Variants in CDH13 observed in about 807,000 individuals in gnomAD.
The protein encoded by CDH13 is cadherin-13.
CDH13 carries 24 observed loss-of-function variants against 63.8 expected under a neutral mutation model. That is an observed-to-expected ratio of 0.38 (90% CI 0.27 to 0.53). The LOEUF (loss-of-function observed/expected upper bound fraction) is 0.53, where lower values mean the gene tolerates loss of function less well. CDH13 is among the 20% of genes least tolerant of loss of function. CDH13 has a pLI of 0.85. For missense variants in CDH13, 1,049 were observed against 903.1 expected, an observed-to-expected ratio of 1.16 and a Z score of -2.07; for synonymous variants, 503 against 355.3, an observed-to-expected ratio of 1.42 and a Z score of -4.67.
chr16:83,393,072 C>T (rs1444140400), intron 6 of CDH13, among the ~76,000 whole-genome samples: 1 of 152,158 alleles, frequency 6.6e-6, no homozygotes, highest in East Asian at 1.9e-4. Flanking sequence ...AGAATAAATA[C>T]ATAGATAAAT....
chr16:82,919,140 C>T (rs189305470), intron 2 of CDH13, among the ~76,000 whole-genome samples: 109 of 152,088 alleles, frequency 7.2e-4, no homozygotes, highest in African/African-American at 2.4e-3. Context: ...CTATATATTC[C>T]AAATGTGTTT....
chr16:83,103,822 A>T (rs12934693), intron 3 of CDH13, among the ~76,000 whole-genome samples: 1 of 152,038 alleles, frequency 6.6e-6, no homozygotes, highest in Non-Finnish European at 1.5e-5. Context: ...TGCACACAGT[A>T]AGTGCTCTGT....
At chr16:83,024,515 C>G (rs550325869) in intron 2 of CDH13, among the ~76,000 whole-genome samples, 2 of 152,216 alleles carry the variant, frequency 1.3e-5, no homozygotes, top group East Asian at 3.9e-4. Flanking sequence ...AACCAGAAAC[C>G]ACACTCCCGA....
At chr16:83,792,920 T>G (rs1916369465) in intron 13 of CDH13, among the ~76,000 whole-genome samples, 2 of 152,120 alleles carry the variant, frequency 1.3e-5, no homozygotes, top group African/African-American at 4.8e-5. Flanking sequence ...ATTGTAAAAA[T>G]GAAACCTAAT....
intron 7 of CDH13, among the ~76,000 whole-genome samples, chr16:83,514,892 A>G (rs1358550327): frequency 6.6e-6 from 1 of 151,962 alleles, no homozygotes; most frequent in Non-Finnish European, 1.5e-5. Context: ...ATTAGAGTAA[A>G]TTTCTGTTGT....
intron 4 of CDH13, among the ~76,000 whole-genome samples, chr16:83,205,447 T>C (rs923605934): frequency 8.5e-5 from 13 of 152,272 alleles, no homozygotes; most frequent in African/African-American, 3.1e-4. Context: ...ATCTCCCATG[T>C]TATGTAAAAT....
chr16:82,846,663 T>TTTATTATA (rs2039269627), intron 1 of CDH13, among the ~76,000 whole-genome samples: 1 of 152,234 alleles, frequency 6.6e-6, no homozygotes, highest in Non-Finnish European at 1.5e-5. Context: ...GTCACATAGG[T>TTTATTATA]TGTAGTTTAT....
intron 10 of CDH13, chr16:83,721,470 G>A (rs1051891156): frequency 6.6e-6 from 1 of 152,250 alleles, no homozygotes; most frequent in Non-Finnish European, 1.5e-5. Flanking sequence ...CTGCCATTGG[G>A]TCTGAGACCC....
At chr16:83,367,302 C>G (rs1410773003) in intron 6 of CDH13, among the ~76,000 whole-genome samples, 3 of 152,062 alleles carry the variant, frequency 2.0e-5, no homozygotes, top group Non-Finnish European at 2.9e-5. Flanking sequence ...TTTATCAGCA[C>G]TTCATTTCAT....
intron 7 of CDH13, among the ~76,000 whole-genome samples, chr16:83,545,751 C>T (rs967750233): frequency 6.6e-6 from 1 of 152,174 alleles, no homozygotes; most frequent in African/African-American, 2.4e-5. Context: ...CCCTCCTCAT[C>T]TGCCCACCCT....
intron 5 of CDH13, among the ~76,000 whole-genome samples, chr16:83,267,828 G>C (rs371478765): frequency 2.5e-4 from 38 of 152,224 alleles, no homozygotes; most frequent in African/African-American, 8.7e-4. Context: ...TGTTGTCATA[G>C]CATAAAATGG....
intron 3 of CDH13, among the ~76,000 whole-genome samples, chr16:83,043,365 A>G (rs928151640): frequency 6.6e-6 from 1 of 152,316 alleles, no homozygotes; most frequent in African/African-American, 2.4e-5. Flanking sequence ...TATTTTATAC[A>G]GGAGCATGGT....
At chr16:83,693,483 A>G (rs1414695230) in intron 10 of CDH13, among the ~76,000 whole-genome samples, 3 of 152,246 alleles carry the variant, frequency 2.0e-5, no homozygotes, top group Non-Finnish European at 4.4e-5. Context: ...TTTATTTTCC[A>G]CAAGCCAGCC....
At chr16:83,676,480 G>A (rs116909745) in intron 9 of CDH13, among the ~76,000 whole-genome samples, 4,005 of 152,270 alleles carry the variant, frequency 0.026, 85 homozygotes, top group Middle Eastern at 0.034. Context: ...GCAGCTCCCT[G>A]GCCCTGGTTT....
At chr16:82,712,987 C>A (rs1383680924) in intron 1 of CDH13, among the ~76,000 whole-genome samples, 1 of 152,080 alleles carries the variant, frequency 6.6e-6, no homozygotes, top group Admixed American at 6.6e-5. Flanking sequence ...GGCATGAGCA[C>A]AATGTCCTAC....
chr16:82,870,536 A>G (rs913666833), intron 2 of CDH13, among the ~76,000 whole-genome samples: 4 of 152,206 alleles, frequency 2.6e-5, no homozygotes, highest in African/African-American at 4.8e-5. Flanking sequence ...TAATGGGTAC[A>G]CAAATACAGC....
intron 1 of CDH13, among the ~76,000 whole-genome samples, chr16:82,827,050 G>T (rs2038288611): frequency 6.6e-6 from 1 of 152,154 alleles, no homozygotes; most frequent in Admixed American, 6.5e-5. Context: ...GATAAAATAG[G>T]GGTTATTTCT....
intron 2 of CDH13, among the ~76,000 whole-genome samples, chr16:82,929,502 A>G (rs2042409265): frequency 6.6e-6 from 1 of 151,560 alleles, no homozygotes; most frequent in Non-Finnish European, 1.5e-5. Context: ...ATACAAAAAA[A>G]TTAGCTGGGC....
At chr16:82,990,827 C>T (rs961099505) in intron 2 of CDH13, among the ~76,000 whole-genome samples, 3 of 152,148 alleles carry the variant, frequency 2.0e-5, no homozygotes, top group African/African-American at 7.2e-5. Flanking sequence ...AGGTGTGAGC[C>T]ACTGTGCCCC....
Sources: allele counts gnomAD v4.1 joint callset (sites outside exome capture counted in the v4.1 genomes callset), GRCh38; gene constraint gnomAD v4.1.1; transcripts MANE v1.5; gene names NCBI Gene and HGNC (gene_info 2026-07-23, HGNC 2026-07-21).